The following ERBB4 variants were observed in gnomAD, a reference collection of about 807,000 sequenced individuals.
ERBB4 encodes the protein receptor tyrosine-protein kinase erbB-4.
A neutral mutation model predicts 158.0 loss-of-function variants in ERBB4; 42 were observed. The ratio of observed to expected loss-of-function variants is 0.27; its 90% CI spans 0.21 to 0.34. The LOEUF (loss-of-function observed/expected upper bound fraction) is 0.34, where lower values mean the gene tolerates loss of function less well. ERBB4 is among the 10% of genes least tolerant of loss of function. ERBB4 has a pLI of 1.00. For synonymous variants in ERBB4, 583 were observed against 558.7 expected, an observed-to-expected ratio of 1.04 and a Z score of -0.61; for missense variants, 1,333 against 1,624.1, an observed-to-expected ratio of 0.82 and a Z score of 3.08.
chr2:212,243,118 C>T (rs2084176819), intron 1 of ERBB4, among the ~76,000 whole-genome samples: 5 of 152,162 alleles, frequency 3.3e-5, no homozygotes, highest in Admixed American at 3.3e-4. Flanking sequence ...ACTAATGTGG[C>T]TTATTTATCA....
chr2:212,496,784 G>C (rs988037132), intron 1 of ERBB4, among the ~76,000 whole-genome samples: 1 of 152,124 alleles, frequency 6.6e-6, no homozygotes, highest in Non-Finnish European at 1.5e-5. Flanking sequence ...ATGGTTTAAA[G>C]AGTTACTAAT....
chr2:212,451,525 A>C (rs1403535046), intron 1 of ERBB4, among the ~76,000 whole-genome samples: 1 of 152,226 alleles, frequency 6.6e-6, no homozygotes, highest in Admixed American at 6.5e-5. Flanking sequence ...TATAGTCATC[A>C]GTAAGTTGCT....
chr2:212,420,560 T>C (rs914171637), intron 1 of ERBB4, among the ~76,000 whole-genome samples: 2 of 152,166 alleles, frequency 1.3e-5, no homozygotes, highest in African/African-American at 2.4e-5. Flanking sequence ...ATCAAAAGTT[T>C]GAATCATAAG....
chr2:211,978,646 T>C (rs1252133721), intron 2 of ERBB4, among the ~76,000 whole-genome samples: 1 of 152,176 alleles, frequency 6.6e-6, no homozygotes, highest in Admixed American at 6.6e-5. Context: ...TTTTAGACTT[T>C]ATATGGTTAA....
At chr2:211,875,025 C>CAAAAAAAAAAAAAAAAAAA (rs746636278) in intron 3 of ERBB4, among the ~76,000 whole-genome samples, 2 of 27,026 alleles carry the variant, frequency 7.4e-5, no homozygotes, top group African/African-American at 2.9e-4. Context: ...AATAGAAATG[C>CAAAAAAAAAAAAAAAAAAA]AAAAAAAAAA....
At chr2:212,002,083 T>C (rs1452370987) in intron 2 of ERBB4, among the ~76,000 whole-genome samples, 1 of 152,152 alleles carries the variant, frequency 6.6e-6, no homozygotes, top group Admixed American at 6.5e-5. Flanking sequence ...CCAAGAATAA[T>C]GTATCAAGAT....
At chr2:211,976,152 G>C (rs941419669) in intron 2 of ERBB4, among the ~76,000 whole-genome samples, 1 of 151,606 alleles carries the variant, frequency 6.6e-6, no homozygotes, top group Non-Finnish European at 1.5e-5. Context: ...TATGTTCTTT[G>C]CATCAGTTAT....
intron 20 of ERBB4, among the ~76,000 whole-genome samples, chr2:211,550,862 A>G (rs1044996264): frequency 1.3e-5 from 2 of 150,834 alleles, no homozygotes; most frequent in Non-Finnish European, 3.0e-5. Context: ...TTTGGGATTC[A>G]ATTCTCAAAT....
intron 1 of ERBB4, among the ~76,000 whole-genome samples, chr2:212,389,627 A>G (rs893896706): frequency 1.8e-4 from 28 of 152,078 alleles, no homozygotes; most frequent in Non-Finnish European, 1.5e-5. Context: ...CACTGGAAAT[A>G]TAACAGTGAG....
intron 2 of ERBB4, among the ~76,000 whole-genome samples, chr2:212,089,337 A>AAC (rs1351978448): frequency 6.6e-6 from 1 of 152,184 alleles, no homozygotes; most frequent in African/African-American, 2.4e-5. Context: ...GATAGTGGTT[A>AAC]GTATTAGTGC....
At chr2:211,640,899 C>A (rs916105586) in intron 16 of ERBB4, among the ~76,000 whole-genome samples, 1 of 151,986 alleles carries the variant, frequency 6.6e-6, no homozygotes, top group African/African-American at 2.4e-5. Flanking sequence ...GACTCCCATG[C>A]CTATGGGAAT....
At chr2:211,807,340 G>A (rs2076642412) in intron 3 of ERBB4, among the ~76,000 whole-genome samples, 1 of 152,096 alleles carries the variant, frequency 6.6e-6, no homozygotes, top group Non-Finnish European at 1.5e-5. Flanking sequence ...TTCCTGCGCT[G>A]TGCCCAAGTG....
chr2:211,395,603 A>T (rs2062896599), intron 25 of ERBB4, among the ~76,000 whole-genome samples: 1 of 85,874 alleles, frequency 1.2e-5, no homozygotes, highest in South Asian at 4.9e-4. Context: ...AAATTTAGTG[A>T]CACTTTAATT....
chr2:211,820,470 C>T (rs1036754475), intron 3 of ERBB4, among the ~76,000 whole-genome samples: 1 of 151,786 alleles, frequency 6.6e-6, no homozygotes, highest in African/African-American at 2.4e-5. Flanking sequence ...AAGTCTAAGA[C>T]CAATGGCCTC....
At chr2:212,249,332 A>G (rs982678465) in intron 1 of ERBB4, among the ~76,000 whole-genome samples, 2 of 151,890 alleles carry the variant, frequency 1.3e-5, no homozygotes, top group African/African-American at 4.8e-5. Flanking sequence ...TTTATATAAT[A>G]ATGGAGAATG....
intron 3 of ERBB4, among the ~76,000 whole-genome samples, chr2:211,819,460 G>C (rs1459502741): frequency 6.6e-6 from 1 of 151,936 alleles, no homozygotes; most frequent in Non-Finnish European, 1.5e-5. Flanking sequence ...AACTTGTCTC[G>C]AGGACTAGAA....
chr2:211,831,834 C>A (rs2077226526), intron 3 of ERBB4, among the ~76,000 whole-genome samples: 1 of 151,766 alleles, frequency 6.6e-6, no homozygotes, highest in South Asian at 2.1e-4. Context: ...ACCTGGGAGG[C>A]AGAGGTTGCA....
In ERBB4 at chr2:211,704,169, T is replaced by A. The variant is rs1257808202; in HGVS notation, c.1224A>T (p.Pro408=). The A allele has an allele frequency of 6.2e-7, 1 of 1,611,684 alleles. No individual in the cohort carries two copies. Among genetic ancestry groups the A allele is most frequent in the Non-Finnish European group, 8.5e-7 (1 of 1,177,898 alleles). Residue 408 remains proline, a synonymous_variant, in exon 11 of 28, where the codon CCA becomes CCT. Transcript: ENST00000342788. ...ITGFLNIQSW[P]PNMTDFSVFS... The stretch of plus-strand genomic sequence containing the variant: ...AAACACTGAAGTCAGTCATGTTTGG[T>A]GGCCATGACTGTATGTTCAGGAAAC...
intron 5 of ERBB4, among the ~76,000 whole-genome samples, chr2:211,736,614 A>G (rs995658502): frequency 4.6e-5 from 7 of 152,168 alleles, no homozygotes; most frequent in Non-Finnish European, 1.0e-4. Flanking sequence ...TGGTGATAAA[A>G]TTTCCCTTTT....
Sources: allele counts gnomAD v4.1 joint callset (sites outside exome capture counted in the v4.1 genomes callset), GRCh38; gene constraint gnomAD v4.1.1; transcripts MANE v1.5; gene names NCBI Gene and HGNC (gene_info 2026-07-23, HGNC 2026-07-21).